MCOLN2: variants seen among roughly 807,000 people sequenced by gnomAD.
MCOLN2 encodes mucolipin TRP cation channel 2.
A neutral mutation model predicts 67.5 loss-of-function variants in MCOLN2; 57 were observed. The observed-to-expected ratio is 0.84, with a 90% CI of 0.68 to 1.05. The LOEUF is 1.05. Among genes scored for constraint, MCOLN2 ranks in the 50% least tolerant of loss-of-function variants. The probability of loss-of-function intolerance (pLI) is 0.00; values close to 1 mark genes in which losing one functional copy is unlikely to be tolerated. For missense variants in MCOLN2, 620 were observed against 678.8 expected (o/e 0.91, Z 0.96); for synonymous variants, 246 against 233.3 (o/e 1.05, Z -0.50).
At chr1:84,987,499 C>CCTATATACAT (rs367546536) in intron 1 of MCOLN2, among the ~76,000 whole-genome samples, 3 of 39,132 alleles carry the variant, frequency 7.7e-5, no homozygotes, top group African/African-American at 2.7e-4. Flanking sequence ...CATATGTATA[C>CCTATATACAT]ATAGATGTAT....
intron 8 of MCOLN2, among the ~76,000 whole-genome samples, chr1:84,939,956 C>T (rs781126647): frequency 2.0e-5 from 3 of 152,162 alleles, no homozygotes; most frequent in Non-Finnish European, 2.9e-5. Context: ...TCATAGCTAA[C>T]ACACAGTACA....
chr1:84,959,942 G>GC (rs1326439091), intron 2 of MCOLN2, among the ~76,000 whole-genome samples: 1 of 152,294 alleles, frequency 6.6e-6, no homozygotes. Context: ...GCCTGTGGCT[G>GC]TAGTCCCAGC....
chr1:84,953,020 G>A, intron 4 of MCOLN2, among the ~76,000 whole-genome samples: 1 of 152,166 alleles, frequency 6.6e-6, no homozygotes, highest in Non-Finnish European at 1.5e-5. Context: ...GTTGGGTGCA[G>A]TTTTCATTTT....
intron 2 of MCOLN2, among the ~76,000 whole-genome samples, chr1:84,962,112 A>G (rs1335179475): frequency 1.3e-5 from 2 of 152,238 alleles, no homozygotes; most frequent in Admixed American, 6.5e-5. Flanking sequence ...CTCCAATTAG[A>G]TATCACCCAA....
chr1:84,947,402 G>A (rs1648174886), intron 6 of MCOLN2, among the ~76,000 whole-genome samples: 1 of 152,100 alleles, frequency 6.6e-6, no homozygotes, highest in African/African-American at 2.4e-5. Flanking sequence ...GAGCACCAGG[G>A]TAGCAGGAAA....
chr1:84,952,200 G>GA (rs144913618), intron 6 of MCOLN2, 43 bp downstream of exon 6: 7 of 1,405,916 alleles, frequency 5.0e-6, no homozygotes, highest in Admixed American at 1.9e-5. Context: ...AAAAGTGTAG[G>GA]AAAAAAATAA....
intron 1 of MCOLN2, among the ~76,000 whole-genome samples, chr1:84,967,372 TA>T (rs1649433466): frequency 6.6e-6 from 1 of 152,220 alleles, no homozygotes; most frequent in Non-Finnish European, 1.5e-5. Flanking sequence ...TAAATTCTAG[TA>T]AGTTAGGCTA....
intron 1 of MCOLN2, among the ~76,000 whole-genome samples, chr1:84,991,651 A>T (rs2102894182): frequency 6.6e-6 from 1 of 152,314 alleles, no homozygotes; most frequent in Non-Finnish European, 1.5e-5. Flanking sequence ...CTCATGAAAG[A>T]TGAACATGCT....
intron 6 of MCOLN2, among the ~76,000 whole-genome samples, chr1:84,951,184 C>T (rs1046482286): frequency 1.3e-5 from 2 of 152,206 alleles, no homozygotes; most frequent in Admixed American, 1.3e-4. Flanking sequence ...GTTTCCCCTA[C>T]TAGGCTGTAA....
At chr1:84,976,384 C>T (rs1649996132) in intron 1 of MCOLN2, among the ~76,000 whole-genome samples, 1 of 152,210 alleles carries the variant, frequency 6.6e-6, no homozygotes, top group Admixed American at 6.5e-5. Flanking sequence ...AGGGGCATGA[C>T]ATATTGAAAG....
chr1:84,953,236 A>G (rs1557644007), intron 4 of MCOLN2, among the ~76,000 whole-genome samples: 1 of 149,966 alleles, frequency 6.7e-6, no homozygotes, highest in Non-Finnish European at 1.5e-5. Flanking sequence ...GCATAGAAAG[A>G]ATGATCAAGC....
chr1:84,949,476 A>G lies in MCOLN2; in HGVS notation c.748-2344T>C, dbSNP rs574406390. Among the ~76,000 whole-genome samples, 9 of 149,594 alleles carry G rather than the reference A, an allele frequency of 6.0e-5. No homozygotes were observed. In the East Asian group the frequency reaches 1.7e-3, roughly 29 times the overall value. Reference sequence around the variant, plus strand: ...ACACGGTGAAACCTCGTCTCTACTAAAAATACAAAAAAAAATTAGCTGGGC... The same window carrying G: ...ACACGGTGAAACCTCGTCTCTACTAGAAATACAAAAAAAAATTAGCTGGGC... On this transcript the variant is annotated intron_variant, in intron 6 of 13. Transcript: ENST00000370608.
chr1:84,936,762 T>C (rs1489484739), intron 11 of MCOLN2, among the ~76,000 whole-genome samples: 1 of 152,238 alleles, frequency 6.6e-6, no homozygotes, highest in East Asian at 1.9e-4. Context: ...AAGATTCATG[T>C]ATAACAGTTT....
chr1:84,928,309 C>G (rs1427955061), intron 13 of MCOLN2, among the ~76,000 whole-genome samples: 1 of 152,162 alleles, frequency 6.6e-6, no homozygotes, highest in South Asian at 2.1e-4. Flanking sequence ...TCTCAACAAC[C>G]CTCAGCACAC....
chr1:84,963,015 A>T (rs1284672754), intron 2 of MCOLN2, among the ~76,000 whole-genome samples: 1 of 152,186 alleles, frequency 6.6e-6, no homozygotes, highest in Non-Finnish European at 1.5e-5. Flanking sequence ...AACACTGCAA[A>T]CTCTGAGGAC....
At chr1:84,992,981 T>G (rs1340360749) in intron 1 of MCOLN2, among the ~76,000 whole-genome samples, 1 of 152,238 alleles carries the variant, frequency 6.6e-6, no homozygotes. Context: ...TCACAAAATA[T>G]TTCTCTGTTG....
intron 11 of MCOLN2, among the ~76,000 whole-genome samples, chr1:84,931,900 T>C (rs1489362754): frequency 6.6e-6 from 1 of 151,270 alleles, no homozygotes; most frequent in Admixed American, 6.6e-5. Context: ...GTGATATGCC[T>C]GTAGTCCCAG....
In MCOLN2 at chr1:84,939,667, C is replaced by G; in HGVS notation, c.996G>C (p.Arg332=). 2 of 1,614,036 alleles carry G rather than the reference C, an allele frequency of 1.2e-6. No individual in the cohort carries two copies. Among genetic ancestry groups the G allele is most frequent in the Non-Finnish European group, 1.7e-6 (2 of 1,179,960 alleles). ...CCCACTGGTCGGTGTCACACACAGGCCGCTTGTACTTCTCCAGGAAGAAAT... is the reference window on the plus strand; with the variant it reads ...CCCACTGGTCGGTGTCACACACAGGGCGCTTGTACTTCTCCAGGAAGAAAT... ...FLNFFLEKYK[R]PVCDTDQWEF... Residue 332 remains arginine (R), a synonymous_variant, in exon 9 of 14, where the codon CGG becomes CGC. Coordinates refer to ENST00000370608, the MANE Select transcript of MCOLN2 (RefSeq NM_153259.4).
chr1:84,937,926 C>A, intron 10 of MCOLN2, 49 bp from the exon 11 acceptor site: 1 of 1,613,612 alleles, frequency 6.2e-7, no homozygotes, highest in Non-Finnish European at 8.5e-7. Context: ...CTATTAGAAC[C>A]CAAAGAATAA....
Sources: gnomAD v4.1 joint callset for allele counts (sites outside exome capture counted in the v4.1 genomes callset) on GRCh38, gnomAD v4.1.1 for gene constraint, MANE v1.5 for transcripts, NCBI Gene and HGNC (gene_info 2026-07-23, HGNC 2026-07-21) for gene names.